GSE1: variants seen among roughly 807,000 people sequenced by gnomAD.
GSE1 encodes the protein Gse1 coiled-coil protein.
In GSE1, 32 loss-of-function variants were observed where a neutral mutation model predicts 112.6. The observed-to-expected ratio is 0.28, with a 90% CI of 0.21 to 0.38. The LOEUF is 0.38. GSE1 is among the 10% of genes least tolerant of loss of function. The pLI is 1.00. For synonymous variants in GSE1, 1,115 were observed against 735.6 expected, an observed-to-expected ratio of 1.52 and a Z score of -8.35; for missense variants, 2,348 against 1,699.2, an observed-to-expected ratio of 1.38 and a Z score of -6.71.
At chr16:85,305,676 A>G (rs2045659218) in intron 1 of GSE1, among the ~76,000 whole-genome samples, 1 of 151,738 alleles carries the variant, frequency 6.6e-6, no homozygotes, top group South Asian at 2.1e-4. Context: ...GGGTTTCCCC[A>G]TGTTGGTCAG....
At chr16:85,457,617 A>G (rs1436164537) in intron 2 of GSE1, among the ~76,000 whole-genome samples, 2 of 152,212 alleles carry the variant, frequency 1.3e-5, no homozygotes, top group African/African-American at 4.8e-5. Flanking sequence ...CTACCTGCAC[A>G]CAGCACCCCC....
At chr16:85,555,048 TA>T (rs1199182837), upstream of GSE1, 1 of 985,184 alleles carries the variant, frequency 1.0e-6, no homozygotes. Context: ...GTGAAACTAT[TA>T]TTATCGCCCT....
intron 1 of GSE1, among the ~76,000 whole-genome samples, chr16:85,563,632 A>G (rs1028863588): frequency 3.3e-5 from 5 of 152,228 alleles, no homozygotes; most frequent in African/African-American, 1.2e-4. Flanking sequence ...GGATCCGGGC[A>G]GCTCCATCCT....
chr16:85,380,733 G>A (rs1177992957), intron 2 of GSE1, among the ~76,000 whole-genome samples: 1 of 152,090 alleles, frequency 6.6e-6, no homozygotes, highest in African/African-American at 2.4e-5. Flanking sequence ...ACTCACTGGG[G>A]GTCCTGCATC....
chr16:85,537,698 C>T (rs2044378129), intron 2 of GSE1, among the ~76,000 whole-genome samples: 1 of 152,244 alleles, frequency 6.6e-6, no homozygotes, highest in Admixed American at 6.5e-5. Context: ...TGTGTGTCTG[C>T]TGCATAGCTG....
chr16:85,441,262 A>G (rs772585356), intron 2 of GSE1, among the ~76,000 whole-genome samples: 2 of 152,142 alleles, frequency 1.3e-5, no homozygotes, highest in African/African-American at 2.4e-5. Flanking sequence ...GCACCCCCCA[A>G]TTGTCAAAAC....
rs778764445 is a variant in GSE1 at position 85,493,758 on chromosome 16, C to G, written c.2464+136115C>G. Among the ~76,000 whole-genome samples the G allele has an allele frequency of 7.3e-5, 10 of 137,694 alleles. 1 individual carries two copies. The highest frequency in any genetic ancestry group is 6.9e-4 in the South Asian group (3 of 4,356). The allele number at this position is 137,694 out of a possible 152,430, so 90.3% of individuals were successfully genotyped here. ...TAAGCCGAGATCATGCCATTGCACT[C>G]TAGCCTGGGCAACGAGAGTGAGACT... is the stretch of plus-strand genomic sequence containing the variant. On this transcript the variant is annotated intron_variant, in intron 2 of 2. Transcript: ENST00000637419.
At chr16:85,272,260 C>T (rs534385333) in intron 1 of GSE1, among the ~76,000 whole-genome samples, 155 of 152,346 alleles carry the variant, frequency 1.0e-3, no homozygotes, top group Middle Eastern at 3.4e-3. Context: ...CCGTGCTCTG[C>T]AAGGGCTATG....
chr16:85,199,254 G>A (rs1254834635), intron 1 of GSE1, among the ~76,000 whole-genome samples: 5 of 151,936 alleles, frequency 3.3e-5, no homozygotes, highest in South Asian at 2.1e-4. Context: ...ACCGTGCCCC[G>A]CCTGTATATT....
chr16:85,654,526 C>G, intron 4 of GSE1, 76 bp downstream of exon 4: 1 of 1,297,070 alleles, frequency 7.7e-7, no homozygotes, highest in East Asian at 2.3e-5. Context: ...CCCCAGGCAG[C>G]CTGCGGTCTG....
chr16:85,618,905 C>T (rs1476348533), intron 1 of GSE1, among the ~76,000 whole-genome samples: 3 of 152,232 alleles, frequency 2.0e-5, no homozygotes, highest in African/African-American at 7.2e-5. Flanking sequence ...CTTGGGTGAT[C>T]CTTCCGTCTC....
chr16:85,557,723 C>T (rs1041325133), intron 1 of GSE1, among the ~76,000 whole-genome samples: 2 of 150,132 alleles, frequency 1.3e-5, no homozygotes, highest in African/African-American at 4.9e-5. Context: ...CCTGGGCAAA[C>T]GTTTTCACTG....
intron 1 of GSE1, among the ~76,000 whole-genome samples, chr16:85,239,501 A>T (rs1380598023): frequency 6.6e-6 from 1 of 150,988 alleles, no homozygotes; most frequent in Non-Finnish European, 1.5e-5. Flanking sequence ...GGCTGCCCTG[A>T]GTCCCCCTGG....
chr16:85,270,581 C>T (rs1047705445), intron 1 of GSE1, among the ~76,000 whole-genome samples: 9 of 148,902 alleles, frequency 6.0e-5, no homozygotes, highest in Non-Finnish European at 1.4e-4. Flanking sequence ...TTTATTAAAT[C>T]AAAGCTCTCG....
chr16:85,378,492 C>A (rs2047472747), intron 2 of GSE1, among the ~76,000 whole-genome samples: 1 of 152,204 alleles, frequency 6.6e-6, no homozygotes, highest in Non-Finnish European at 1.5e-5. Context: ...TCCCTGACTT[C>A]CCCCAGGGCC....
At chr16:85,380,760 T>C (rs551669881) in intron 2 of GSE1, among the ~76,000 whole-genome samples, 14 of 152,280 alleles carry the variant, frequency 9.2e-5, no homozygotes, top group African/African-American at 3.4e-4. Context: ...CAATCCATCA[T>C]CCAGCCTCGC....
intron 1 of GSE1, among the ~76,000 whole-genome samples, chr16:85,316,784 A>G (rs1307464086): frequency 6.6e-6 from 1 of 152,108 alleles, no homozygotes; most frequent in Admixed American, 6.5e-5. Flanking sequence ...GTGTCTTGGG[A>G]GCAGACGTCT....
At chr16:85,607,722 G>A (rs898023125), upstream of GSE1, among the ~76,000 whole-genome samples, 14 of 152,214 alleles carry the variant, frequency 9.2e-5, no homozygotes, top group African/African-American at 2.7e-4. Flanking sequence ...AGAGGCGGGC[G>A]CTGCTTTCCC....
At chr16:85,635,630 C>T (rs58771995) in intron 2 of GSE1, among the ~76,000 whole-genome samples, 5,583 of 152,296 alleles carry the variant, frequency 0.037, 275 homozygotes, top group African/African-American at 0.11. Context: ...CCAGCTCCTG[C>T]TGCTGCAGTT....
Sources: allele counts gnomAD v4.1 joint callset (sites outside exome capture counted in the v4.1 genomes callset), GRCh38; gene constraint gnomAD v4.1.1; transcripts MANE v1.5; gene names NCBI Gene and HGNC (gene_info 2026-07-23, HGNC 2026-07-21).